The following SHC3 variants were observed in gnomAD, a reference collection of about 807,000 sequenced individuals.
The protein encoded by SHC3 is SHC adaptor protein 3.
In SHC3, 15 loss-of-function variants were observed where a neutral mutation model predicts 60.4. The ratio of observed to expected loss-of-function variants is 0.25; its 90% CI spans 0.17 to 0.38. The LOEUF (loss-of-function observed/expected upper bound fraction) is 0.38. Ranked by LOEUF, SHC3 falls within the 10% of genes least tolerant of loss-of-function variation. The pLI, the probability that SHC3 is intolerant of heterozygous loss-of-function variation, is 1.00. For synonymous variants in SHC3, 294 were observed against 325.9 expected, an observed-to-expected ratio of 0.90 and a Z score of 1.05; for missense variants, 677 against 786.1, an observed-to-expected ratio of 0.86 and a Z score of 1.66.
chr9:89,157,887 G>A (rs1017384360), intron 1 of SHC3, among the ~76,000 whole-genome samples: 1 of 152,048 alleles, frequency 6.6e-6, no homozygotes, highest in South Asian at 2.1e-4. Context: ...CTACCAAAGT[G>A]CATAGGATAT....
At chr9:89,100,482 T>A (rs1825767010) in intron 2 of SHC3, among the ~76,000 whole-genome samples, 1 of 152,184 alleles carries the variant, frequency 6.6e-6, no homozygotes, top group Non-Finnish European at 1.5e-5. Context: ...CAAGTGATCC[T>A]GCCTCAGCCT....
At chr9:89,024,880 C>T (rs1391200618) in intron 11 of SHC3, among the ~76,000 whole-genome samples, 1 of 152,108 alleles carries the variant, frequency 6.6e-6, no homozygotes, top group African/African-American at 2.4e-5. Context: ...GGAGTTTGTT[C>T]AGCATCTGAA....
At chr9:89,074,073 C>A (rs1825315957) in intron 4 of SHC3, among the ~76,000 whole-genome samples, 1 of 152,132 alleles carries the variant, frequency 6.6e-6, no homozygotes, top group Admixed American at 6.5e-5. Flanking sequence ...TAACACAAAG[C>A]CTGGGTTTTG....
intron 6 of SHC3, among the ~76,000 whole-genome samples, chr9:89,059,105 T>TGGTGGTGGAGGATGTGGTGGAGGAC (rs1564108333): frequency 4.2e-4 from 47 of 111,222 alleles, no homozygotes; most frequent in African/African-American, 1.5e-3. Flanking sequence ...TGGTGGAGGA[T>TGGTGGTGGAGGATGTGGTGGAGGAC]GGTGGTGGAG....
intron 5 of SHC3, among the ~76,000 whole-genome samples, chr9:89,069,365 T>C (rs1340152804): frequency 1.3e-5 from 2 of 152,076 alleles, no homozygotes; most frequent in Non-Finnish European, 2.9e-5. Flanking sequence ...ATAAGGACTT[T>C]CATCTTACAA....
intron 1 of SHC3, among the ~76,000 whole-genome samples, chr9:89,163,873 C>A (rs1464558609): frequency 6.6e-6 from 1 of 151,242 alleles, no homozygotes; most frequent in Admixed American, 6.6e-5. Flanking sequence ...TGAGGGCTCG[C>A]TCACTGGTTG....
intron 2 of SHC3, among the ~76,000 whole-genome samples, chr9:89,092,446 T>C (rs900538886): frequency 6.6e-6 from 1 of 151,842 alleles, no homozygotes; most frequent in African/African-American, 2.4e-5. Flanking sequence ...TGAAACCCCA[T>C]CTCTATTAAA....
At chr9:89,086,337 G>T (rs2076976329) in intron 2 of SHC3, among the ~76,000 whole-genome samples, 1 of 152,092 alleles carries the variant, frequency 6.6e-6, no homozygotes, top group Non-Finnish European at 1.5e-5. Context: ...TACAAATCAG[G>T]GTTCCCACCA....
chr9:89,037,589 G>T (rs1312465746), intron 11 of SHC3: 3 of 703,952 alleles, frequency 4.3e-6, no homozygotes, highest in Non-Finnish European at 7.9e-6. Flanking sequence ...ACATTTTACA[G>T]CCTTAGAACA....
At chr9:89,161,307 C>T (rs1459423176) in intron 1 of SHC3, among the ~76,000 whole-genome samples, 4 of 152,070 alleles carry the variant, frequency 2.6e-5, no homozygotes, top group Admixed American at 6.5e-5. Context: ...AAAGTGTAGG[C>T]GCCCTCCTTC....
At position 89,013,062 on chromosome 9, in the gene SHC3, A is replaced by G. The variant is rs1826033367; in HGVS notation, c.*385T>C. On this transcript the variant is annotated 3_prime_UTR_variant, in exon 12 of 12. Coordinates refer to ENST00000375835, the MANE Select transcript of SHC3 (RefSeq NM_016848.6). ...AGTTGTGCTTATTAGGTAAAACTGCAGGCTACACCTTCCTAGTGGCATTTC... is the reference window on the plus strand; with the variant it reads ...AGTTGTGCTTATTAGGTAAAACTGCGGGCTACACCTTCCTAGTGGCATTTC... The G allele has an allele frequency of 6.5e-6, 1 of 153,698 alleles. No individual in the cohort carries two copies. The highest frequency in any genetic ancestry group is 2.1e-4 in the South Asian group (1 of 4,732). The allele number at this position is 153,698 out of a possible 1,614,324, so 9.5% of individuals were successfully genotyped here.
chr9:89,052,184 G>C (rs1211587517), intron 6 of SHC3, 21 bp from the exon 7 acceptor site: 3 of 1,612,434 alleles, frequency 1.9e-6, no homozygotes, highest in Non-Finnish European at 2.5e-6. Flanking sequence ...AAGTGACATG[G>C]GCCTATTAGA....
chr9:89,159,717 G>C (rs982707003), intron 1 of SHC3, among the ~76,000 whole-genome samples: 6 of 152,352 alleles, frequency 3.9e-5, no homozygotes, highest in African/African-American at 1.2e-4. Context: ...ATATTCGTGG[G>C]CAGGAAGCAT....
intron 1 of SHC3, among the ~76,000 whole-genome samples, chr9:89,148,460 T>C (rs1826501485): frequency 6.6e-6 from 1 of 152,228 alleles, no homozygotes; most frequent in Admixed American, 6.5e-5. Flanking sequence ...GAAGACTATA[T>C]AGCACCATTG....
intron 1 of SHC3, among the ~76,000 whole-genome samples, chr9:89,173,239 G>A (rs1483128837): frequency 6.6e-6 from 1 of 152,230 alleles, no homozygotes; most frequent in Non-Finnish European, 1.5e-5. Flanking sequence ...CCAGGTGTCT[G>A]CTCTAATGTC....
intron 1 of SHC3, among the ~76,000 whole-genome samples, chr9:89,129,178 GA>G (rs1826206627): frequency 1.3e-5 from 2 of 152,152 alleles, no homozygotes; most frequent in Non-Finnish European, 1.5e-5. Context: ...TCAAATTAAT[GA>G]AATGAAGTGA....
At position 89,013,430 on chromosome 9, in the gene SHC3, G is replaced by A; in HGVS notation, c.*17C>T. 6.2e-7 allele frequency: 1 copy of A among 1,600,134 alleles called. No homozygotes were observed. Among genetic ancestry groups the A allele is most frequent in the Non-Finnish European group, 8.5e-7 (1 of 1,173,434 alleles). ...CTCCTGACCTGGTGCGCAGTGCTGG[G>A]AGCAGTGCTGGCCAGGTCACTGCTT... On this transcript the variant is annotated 3_prime_UTR_variant, in exon 12 of 12. Coordinates refer to ENST00000375835, the MANE Select transcript of SHC3 (RefSeq NM_016848.6).
At chr9:89,026,963 C>T (rs1826319670) in intron 11 of SHC3, among the ~76,000 whole-genome samples, 1 of 152,130 alleles carries the variant, frequency 6.6e-6, no homozygotes, top group Non-Finnish European at 1.5e-5. Flanking sequence ...ACTGAGAAGC[C>T]CCTTGTCATC....
At chr9:89,087,659 T>A (rs1215007474) in intron 2 of SHC3, among the ~76,000 whole-genome samples, 1 of 152,188 alleles carries the variant, frequency 6.6e-6, no homozygotes, top group African/African-American at 2.4e-5. Flanking sequence ...ATATACTAAT[T>A]CTAGATGATA....
Sources: gnomAD v4.1 joint callset for allele counts (sites outside exome capture counted in the v4.1 genomes callset) on GRCh38, gnomAD v4.1.1 for gene constraint, MANE v1.5 for transcripts, NCBI Gene and HGNC (gene_info 2026-07-23, HGNC 2026-07-21) for gene names.